TBCD: variants seen among roughly 807,000 people sequenced by gnomAD.
TBCD encodes tubulin-specific chaperone D.
Under a neutral mutation model 169.3 loss-of-function variants are expected in TBCD, and 105 were observed. The ratio of observed to expected loss-of-function variants is 0.62; its 90% CI spans 0.53 to 0.73. The LOEUF (loss-of-function observed/expected upper bound fraction) is 0.73, where lower values mean the gene tolerates loss of function less well. TBCD is among the 30% of genes least tolerant of loss of function. TBCD has a pLI of 0.00. For missense variants in TBCD, 1,444 were observed against 1,600.1 expected (o/e 0.90, Z 1.66); for synonymous variants, 700 against 643.9 (o/e 1.09, Z -1.32).
At position 82,894,285 on chromosome 17, in the gene TBCD, A is replaced by G. The variant is rs75437051; in HGVS notation, c.1649+653A>G. Reference sequence around the variant, plus strand: ...TTACTTCAGTTATCTTAGTTGATCCATTGCAGCAGAAATGTGAAAAAGGGT... The same window carrying G: ...TTACTTCAGTTATCTTAGTTGATCCGTTGCAGCAGAAATGTGAAAAAGGGT... On this transcript the variant is annotated intron_variant, in intron 17 of 38. Coordinates refer to ENST00000355528, the MANE Select transcript of TBCD (RefSeq NM_005993.5). Among the ~76,000 whole-genome samples, 467 of 152,256 alleles carry G rather than the reference A, an allele frequency of 3.1e-3. 1 individual carries two copies. The highest frequency in any genetic ancestry group is 0.011 in the African/African-American group (439 of 41,504).
chr17:82,829,109 CCA>C (rs2053239940), intron 13 of TBCD, among the ~76,000 whole-genome samples: 1 of 151,060 alleles, frequency 6.6e-6, no homozygotes, highest in South Asian at 2.1e-4. Context: ...TGCGCACCCC[CCA>C]CAGATATGCA....
intron 34 of TBCD, among the ~76,000 whole-genome samples, chr17:82,935,220 C>G (rs1346049196): frequency 6.6e-6 from 1 of 152,174 alleles, no homozygotes; most frequent in African/African-American, 2.4e-5. Flanking sequence ...CCCTTATCAC[C>G]CATTTCTAGG....
At chr17:82,887,877 G>T (rs373829860) in intron 15 of TBCD, among the ~76,000 whole-genome samples, 3 of 152,156 alleles carry the variant, frequency 2.0e-5, no homozygotes, top group Non-Finnish European at 4.4e-5. Context: ...CTTACTTGCC[G>T]TCTGTACCTC....
chr17:82,861,116 C>T (rs980926595), intron 13 of TBCD, among the ~76,000 whole-genome samples: 11 of 152,086 alleles, frequency 7.2e-5, no homozygotes, highest in Admixed American at 2.6e-4. Context: ...TCCCTGTCAC[C>T]GCCTGCTGCT....
chr17:82,766,242 A>G, intron 3 of TBCD, 25 bp from the exon 4 acceptor site: 1 of 1,574,560 alleles, frequency 6.4e-7, no homozygotes, highest in Non-Finnish European at 8.7e-7. Flanking sequence ...TAAATGTTAT[A>G]ATTCAGCATC....
intron 13 of TBCD, among the ~76,000 whole-genome samples, chr17:82,834,330 A>G (rs888517289): frequency 6.6e-6 from 1 of 152,208 alleles, no homozygotes; most frequent in African/African-American, 2.4e-5. Flanking sequence ...TGCCTGGGAG[A>G]CAGGGTGAGT....
Position 82,806,146 on chromosome 17 carries a change from G to A in TBCD, c.1087+135G>A, listed in dbSNP as rs1244423484. 23 of 1,218,354 alleles carry A rather than the reference G, an allele frequency of 1.9e-5. No homozygotes were observed. Among genetic ancestry groups the A allele is most frequent in the East Asian group, 5.2e-5 (2 of 38,710 alleles). 75.5% of individuals were successfully genotyped at this position (1,218,354 alleles called of 1,614,324 possible). ...CACCCGTCCCCTTCGCTGAGTGCAC[G>A]GTCACTGCCCGTCCTCTGGCTCCTG... is the stretch of plus-strand genomic sequence containing the variant. On this transcript the variant is annotated intron_variant, in intron 10 of 38. Transcript: ENST00000355528. This position sits in a 1 kb window ranked among gnomAD's most constrained non-coding sequence, Gnocchi z 5.1.
chr17:82,799,911 C>T (rs558205458), intron 8 of TBCD, among the ~76,000 whole-genome samples: 1 of 152,346 alleles, frequency 6.6e-6, no homozygotes, highest in South Asian at 2.1e-4. Context: ...TTAAACGGCA[C>T]CTCTGCCCGA....
At chr17:82,883,818 G>A (rs1020759223) in intron 14 of TBCD, among the ~76,000 whole-genome samples, 1 of 152,150 alleles carries the variant, frequency 6.6e-6, no homozygotes, top group Non-Finnish European at 1.5e-5. Flanking sequence ...CACCTCCTGC[G>A]CCGCCCCACC....
At chr17:82,863,772 A>G (rs865789012) in intron 13 of TBCD, among the ~76,000 whole-genome samples, 3 of 152,162 alleles carry the variant, frequency 2.0e-5, no homozygotes, top group Non-Finnish European at 4.4e-5. Context: ...TCCTGTTGGG[A>G]GAGCAGGATT....
At position 82,880,887 on chromosome 17, in the gene TBCD, G is replaced by T. The variant is rs570795598; in HGVS notation, c.1476-3258G>T. Among the ~76,000 whole-genome samples the T allele has an allele frequency of 6.6e-6, 1 of 152,316 alleles. No individual in the cohort carries two copies. The highest frequency in any genetic ancestry group is 2.1e-4 in the South Asian group (1 of 4,810). On this transcript the variant is annotated intron_variant, in intron 14 of 38. Coordinates refer to ENST00000355528, the MANE Select transcript of TBCD (RefSeq NM_005993.5). The surrounding 1 kb of genome is among the most constrained non-coding windows in gnomAD (Gnocchi z 5.0). Reference sequence around the variant, plus strand: ...CCATCCTTGCAGTGTGAGTGAGCAAGTGGCCGAGGGGTAGACTTTGGATGG... The same window carrying T: ...CCATCCTTGCAGTGTGAGTGAGCAATTGGCCGAGGGGTAGACTTTGGATGG...
chr17:82,756,243 C>A, intron 2 of TBCD, 28 bp downstream of exon 2: 1 of 1,594,142 alleles, frequency 6.3e-7, no homozygotes, highest in Non-Finnish European at 8.6e-7. Flanking sequence ...TGATTTTGAT[C>A]ATTCAGTTAC....
At chr17:82,847,089 C>T (rs949687828) in intron 13 of TBCD, among the ~76,000 whole-genome samples, 13 of 152,188 alleles carry the variant, frequency 8.5e-5, no homozygotes, top group South Asian at 4.2e-4. Flanking sequence ...TGGTGGCTCA[C>T]GCCTGTAATC....
intron 21 of TBCD, chr17:82,908,255 T>C (rs1373974213): frequency 4.4e-6 from 2 of 454,968 alleles, no homozygotes; most frequent in Non-Finnish European, 8.8e-6. Flanking sequence ...CCTGGTGGAG[T>C]TGGGGGCACA....
chr17:82,796,156 A>C (rs539375542), intron 7 of TBCD: 1 of 152,058 alleles, frequency 6.6e-6, no homozygotes, highest in African/African-American at 2.4e-5. Flanking sequence ...CCGTCAGCCC[A>C]CCTCCCAGGG....
intron 37 of TBCD, among the ~76,000 whole-genome samples, chr17:82,940,848 G>T (rs1301783061): frequency 6.6e-6 from 1 of 152,148 alleles, no homozygotes; most frequent in Non-Finnish European, 1.5e-5. Flanking sequence ...GCGGGGCGAG[G>T]CCTCCTCCAG....
chr17:82,939,245 A>G, intron 36 of TBCD, 122 bp from the exon 37 acceptor site: 2 of 768,524 alleles, frequency 2.6e-6, no homozygotes, highest in Non-Finnish European at 4.4e-6. Context: ...GATGGGATGC[A>G]GGGTCAGCGT....
chr17:82,873,991 C>G (rs1323898111), intron 14 of TBCD, among the ~76,000 whole-genome samples: 4 of 152,204 alleles, frequency 2.6e-5, no homozygotes, highest in Non-Finnish European at 5.9e-5. Context: ...GCACAGCCTC[C>G]TGTTGGCCCC....
At chr17:82,871,946 G>A (rs544996939) in intron 14 of TBCD, among the ~76,000 whole-genome samples, 44 of 152,256 alleles carry the variant, frequency 2.9e-4, no homozygotes, top group African/African-American at 1.0e-3. Context: ...TAAGCAGCTC[G>A]TTGTGAGGCA....
Sources: allele counts gnomAD v4.1 joint callset (sites outside exome capture counted in the v4.1 genomes callset), GRCh38; gene constraint gnomAD v4.1.1; non-coding constraint Gnocchi (gnomAD v3.1); transcripts MANE v1.5; gene names NCBI Gene and HGNC (gene_info 2026-07-23, HGNC 2026-07-21).